Variants in COL21A1 observed in about 807,000 individuals in gnomAD.
COL21A1 encodes the protein collagen type XXI alpha 1 chain, also known as collagen alpha-1(XXI) chain.
Under a neutral mutation model 137.9 loss-of-function variants are expected in COL21A1, and 149 were observed. That is an observed-to-expected ratio of 1.08 (90% CI 0.95 to 1.24). The LOEUF (loss-of-function observed/expected upper bound fraction) is 1.24. COL21A1 is among the 50% of genes most tolerant of loss of function. The probability of loss-of-function intolerance (pLI) is 0.00; values close to 1 mark genes in which losing one functional copy is unlikely to be tolerated. For synonymous variants in COL21A1, 456 were observed against 391.5 expected (o/e 1.16, Z -1.95); for missense variants, 1,167 against 1,158.4 (o/e 1.01, Z -0.11).
intron 1 of COL21A1, among the ~76,000 whole-genome samples, chr6:56,283,369 G>T (rs1477345121): frequency 6.6e-6 from 1 of 151,832 alleles, no homozygotes; most frequent in Non-Finnish European, 1.5e-5. Context: ...TCATCATAAA[G>T]GTTAAGAGAA....
chr6:56,207,793 C>G (rs1043001927), intron 1 of COL21A1, among the ~76,000 whole-genome samples: 1 of 152,172 alleles, frequency 6.6e-6, no homozygotes, highest in South Asian at 2.1e-4. Flanking sequence ...CAATAAAATA[C>G]TGGCAAACTG....
In COL21A1 at chr6:56,385,959, G is replaced by C. The variant is rs564241698; in HGVS notation, c.-39+8012C>G. Among the ~76,000 whole-genome samples, 91 of 151,568 alleles carry C rather than the reference G, an allele frequency of 6.0e-4. No individual in the cohort carries two copies. In the Middle Eastern group the frequency reaches 0.01, roughly 17 times the overall value. On this transcript the variant is annotated intron_variant, in intron 1 of 28. Transcript: ENST00000370819. ...TTGTCACCTAGGCTGGAGTGCAGTG[G>C]TGCAATCTCAGCCCACTGCAACCTC...
chr6:56,102,620 A>T (rs1237508162), intron 16 of COL21A1, among the ~76,000 whole-genome samples: 3 of 152,220 alleles, frequency 2.0e-5, no homozygotes, highest in Non-Finnish European at 4.4e-5. Flanking sequence ...CCATAATTTC[A>T]TATTCTAATG....
chr6:56,267,192 T>C lies in COL21A1; in HGVS notation c.-38-84536A>G, dbSNP rs186398148. On this transcript the variant is annotated intron_variant, in intron 1 of 28. Coordinates refer to the COL21A1 transcript ENST00000370819. ...GATAATAATAATAGTCAACATACCT[T>C]GAGAGTCAACAAAGTACTAAGCACT... 3.6e-4 allele frequency among the ~76,000 whole-genome samples: 55 copies of C among 152,328 alleles called. 1 individual carries two copies. In the South Asian group the frequency reaches 4.6e-3, roughly 13 times the overall value.
intron 1 of COL21A1, among the ~76,000 whole-genome samples, chr6:56,303,072 C>T (rs1460842673): frequency 6.6e-6 from 1 of 152,150 alleles, no homozygotes; most frequent in Non-Finnish European, 1.5e-5. Flanking sequence ...GGGCTGTGTT[C>T]TCTTCCATTG....
intron 1 of COL21A1, among the ~76,000 whole-genome samples, chr6:56,319,552 G>A (rs1267571611): frequency 6.6e-6 from 1 of 152,144 alleles, no homozygotes; most frequent in Non-Finnish European, 1.5e-5. Context: ...TGTCCAGGCT[G>A]GTCTCAAACT....
chr6:56,215,788 G>A (rs910392240), intron 1 of COL21A1, among the ~76,000 whole-genome samples: 38 of 151,990 alleles, frequency 2.5e-4, no homozygotes, highest in African/African-American at 8.7e-4. Flanking sequence ...ATTTGCAAAA[G>A]CACGAGTGGA....
chr6:56,367,800 G>A (rs1001746535), intron 1 of COL21A1, among the ~76,000 whole-genome samples: 22 of 152,124 alleles, frequency 1.4e-4, no homozygotes, highest in African/African-American at 5.1e-4. Flanking sequence ...CTGCAGCCTC[G>A]AACTCCTGAG....
chr6:56,164,470 C>A lies in COL21A1; in HGVS notation c.1324G>T (p.Ala442Ser). ...TTTCCCGGAGGACAAATACAGGGAG[C>A]TGGAGTTGAACCTACATCACTGGGA... ...NGPSDVGSTP[A>S]PCICPPGKPG... Residue 442 changes from alanine (A) to serine (S), a missense_variant, in exon 9 of 30, where the codon GCT becomes TCT. Ala to Ser is a moderately conservative substitution (Grantham distance 99, BLOSUM62 1). Coordinates refer to ENST00000244728, the MANE Select transcript of COL21A1 (RefSeq NM_030820.4). 1 of 1,590,340 alleles carries A rather than the reference C, an allele frequency of 6.3e-7. No homozygotes were observed. Among genetic ancestry groups the A allele is most frequent in the Middle Eastern group, 1.7e-4 (1 of 6,042 alleles).
chr6:56,166,097 T>C (rs935892588), intron 7 of COL21A1, among the ~76,000 whole-genome samples: 4 of 152,110 alleles, frequency 2.6e-5, no homozygotes, highest in Non-Finnish European at 4.4e-5. Context: ...ATCTATTCAT[T>C]ATTTCACTGA....
At chr6:56,318,308 T>C (rs901769344) in intron 1 of COL21A1, among the ~76,000 whole-genome samples, 10 of 152,124 alleles carry the variant, frequency 6.6e-5, no homozygotes, top group African/African-American at 2.4e-4. Context: ...TGAACATGGC[T>C]AAAAAATATT....
At chr6:56,202,545 T>C (rs932054900) in intron 1 of COL21A1, among the ~76,000 whole-genome samples, 1 of 152,162 alleles carries the variant, frequency 6.6e-6, no homozygotes, top group African/African-American at 2.4e-5. Flanking sequence ...TCTTCTATCA[T>C]CCTCTTATTT....
chr6:56,137,320 C>A, intron 12 of COL21A1, among the ~76,000 whole-genome samples: 1 of 151,994 alleles, frequency 6.6e-6, no homozygotes, highest in African/African-American at 2.4e-5. Context: ...GGGTACACAC[C>A]ACAGTAAAAA....
At chr6:56,070,964 A>G (rs1399215698) in intron 20 of COL21A1, among the ~76,000 whole-genome samples, 166 bp from the exon 21 acceptor site, 3 of 151,536 alleles carry the variant, frequency 2.0e-5, no homozygotes, top group East Asian at 1.9e-4. Context: ...AAAATGAAAA[A>G]ATCTTTTAGG....
chr6:56,313,795 G>A (rs1393752647), intron 1 of COL21A1, among the ~76,000 whole-genome samples: 2 of 152,018 alleles, frequency 1.3e-5, no homozygotes, highest in African/African-American at 4.8e-5. Flanking sequence ...TAGCCATTTA[G>A]ATCCTTGATA....
At chr6:56,342,186 G>T (rs191117213) in intron 1 of COL21A1, among the ~76,000 whole-genome samples, 1 of 152,152 alleles carries the variant, frequency 6.6e-6, no homozygotes, top group Non-Finnish European at 1.5e-5. Context: ...GAATAACGTG[G>T]TTTCTGCTGT....
chr6:56,219,638 T>C (rs538237209), intron 1 of COL21A1, among the ~76,000 whole-genome samples: 1 of 152,300 alleles, frequency 6.6e-6, no homozygotes, highest in East Asian at 1.9e-4. Context: ...ATAAAGCATC[T>C]ACTGCATAAT....
Position 56,067,006 on chromosome 6 carries a change from ATATATATATG to A in COL21A1, c.2127+279_2127+288del, listed in dbSNP as rs766738304. 5.9e-3 allele frequency among the ~76,000 whole-genome samples: 883 copies of A among 149,844 alleles called. 6 individuals are homozygous for A. The highest frequency in any genetic ancestry group is 0.041 in the Middle Eastern group (12 of 290). On this transcript the variant is annotated intron_variant, in intron 23 of 29. Transcript: ENST00000244728. ...GTGTGTGTGTGTGTGTATGTGGTAT[ATATATATATG>A]TATATATGTATATAAATACATATTA...
intron 1 of COL21A1, among the ~76,000 whole-genome samples, chr6:56,307,397 T>C (rs909198845): frequency 6.6e-6 from 1 of 152,194 alleles, no homozygotes; most frequent in Non-Finnish European, 1.5e-5. Context: ...AGCTGCTTTG[T>C]TTACCTACTC....
Sources: gnomAD v4.1 joint callset for allele counts (sites outside exome capture counted in the v4.1 genomes callset) on GRCh38, gnomAD v4.1.1 for gene constraint, MANE v1.5 for transcripts, NCBI Gene and HGNC (gene_info 2026-07-23, HGNC 2026-07-21) for gene names.